The following MIGA2 variants were observed in gnomAD, a reference collection of about 807,000 sequenced individuals.
MIGA2 encodes the protein family with sequence similarity 73, member B.
Under a neutral mutation model 69.9 loss-of-function variants are expected in MIGA2, and 36 were observed. That is an observed-to-expected ratio of 0.52 (90% CI 0.39 to 0.68). The LOEUF (loss-of-function observed/expected upper bound fraction) is 0.68. MIGA2 is among the 30% of genes least tolerant of loss of function. The pLI, the probability that MIGA2 is intolerant of heterozygous loss-of-function variation, is 0.00. For synonymous variants in MIGA2, 333 were observed against 349.2 expected (o/e 0.95, Z 0.52); for missense variants, 660 against 787.7 (o/e 0.84, Z 1.94).
At position 129,069,566 on chromosome 9, in the gene MIGA2, C is replaced by T; in HGVS notation, c.1459-283C>T. On this transcript the variant is annotated intron_variant, in intron 14 of 15. Coordinates refer to ENST00000684074, the MANE Select transcript of MIGA2 (RefSeq NM_001329990.2). The surrounding 1 kb of genome is among the most constrained non-coding windows in gnomAD (Gnocchi z 4.9). ...GTCGTTCCCCTCTGCGGGCCAGGCTCTGTTGCCTAGCTGATACCAGCTGCC... is the reference window on the plus strand; with the variant it reads ...GTCGTTCCCCTCTGCGGGCCAGGCTTTGTTGCCTAGCTGATACCAGCTGCC... 1 of 540,694 alleles carries T rather than the reference C, an allele frequency of 1.8e-6. No homozygotes were observed. 33.5% of individuals were successfully genotyped at this position (540,694 alleles called of 1,614,324 possible). A position where few individuals can be genotyped will look rare whatever the true frequency, so the allele number is the denominator to read the frequency against.
Position 129,063,510 on chromosome 9 carries a change from C to T in MIGA2, c.1084-35C>T, listed in dbSNP as rs199604581. 565 of 1,611,082 alleles carry T rather than the reference C, an allele frequency of 3.5e-4. 5 individuals are homozygous for T. The Admixed American group carries it at 6.4e-3, about 18-fold the overall frequency. On this transcript the variant is annotated intron_variant, in intron 10 of 15. Coordinates refer to ENST00000684074, the MANE Select transcript of MIGA2 (RefSeq NM_001329990.2). ...GTGGGCTTTGAGGGACTGCCGTGCCCGGCAGCTCACTCCCCTCCCTTCCTC... is the reference window on the plus strand; with the variant it reads ...GTGGGCTTTGAGGGACTGCCGTGCCTGGCAGCTCACTCCCCTCCCTTCCTC...
intron 3 of MIGA2, among the ~76,000 whole-genome samples, chr9:129,043,559 G>A (rs889014231): frequency 2.2e-4 from 33 of 151,374 alleles, no homozygotes; most frequent in African/African-American, 8.0e-4. Flanking sequence ...GCTAATTTTT[G>A]TATTTTTAGT....
intron 15 of MIGA2, 126 bp downstream of exon 15, chr9:129,070,091 C>A (rs1231922929): frequency 8.2e-7 from 1 of 1,218,110 alleles, no homozygotes. Flanking sequence ...AGAGCCAGAC[C>A]CACATGGGTC....
chr9:129,067,469 C>T (rs1846421644), intron 11 of MIGA2: 1 of 361,920 alleles, frequency 2.8e-6, no homozygotes, highest in East Asian at 5.2e-5. Flanking sequence ...TTTGAACCTT[C>T]AGCTGCCTGA....
At chr9:129,057,369 C>T (rs933158828) in intron 6 of MIGA2, among the ~76,000 whole-genome samples, 4 of 150,088 alleles carry the variant, frequency 2.7e-5, no homozygotes, top group African/African-American at 9.8e-5. Flanking sequence ...TCTCGGCTCA[C>T]TGCAAGCTCC....
rs779280362 is a variant in MIGA2, at chr9:129,061,353, A to C, written c.1010+7A>C. The C allele has an allele frequency of 1.4e-6, 1 of 708,580 alleles. No individual in the cohort carries two copies. The highest frequency in any genetic ancestry group is 2.0e-5 in the Admixed American group (1 of 50,782). 43.9% of individuals were successfully genotyped at this position (708,580 alleles called of 1,614,324 possible). On this transcript the variant is annotated splice_region_variant and intron_variant, in intron 9 of 15. Coordinates refer to ENST00000684074, the MANE Select transcript of MIGA2 (RefSeq NM_001329990.2). The surrounding 1 kb of genome is among the most constrained non-coding windows in gnomAD (Gnocchi z 5.0). The stretch of plus-strand genomic sequence containing the variant: ...TGCCTTGCCGGACCCTCAGGTGAGC[A>C]GGTGTGGAGGGAGGGAGGGAGGGAG...
rs3814497 is a variant in MIGA2, at chr9:129,059,765, C to T, written c.793+494C>T. On this transcript the variant is annotated intron_variant, in intron 7 of 15. Coordinates refer to ENST00000684074, the MANE Select transcript of MIGA2 (RefSeq NM_001329990.2). This position sits in a 1 kb window ranked among gnomAD's most constrained non-coding sequence, Gnocchi z 5.6. ...TCTGCCAAACAGCCACTGTCCTCTT[C>T]GGACCCCTGCAGTGAATGACACCCT... Among the ~76,000 whole-genome samples the T allele has an allele frequency of 2.2e-4, 34 of 152,300 alleles. No individual in the cohort carries two copies. In the East Asian group the frequency reaches 5.4e-3, roughly 24 times the overall value.
At position 129,069,196 on chromosome 9, in the gene MIGA2, G is replaced by C; in HGVS notation, c.1458+67G>C. On this transcript the variant is annotated intron_variant, in intron 14 of 15. Coordinates refer to ENST00000684074, the MANE Select transcript of MIGA2 (RefSeq NM_001329990.2). The surrounding 1 kb of genome is among the most constrained non-coding windows in gnomAD (Gnocchi z 4.9). ...GAGGCAGCGTGGTGGGGAGCGGAGC[G>C]GGTGCAGGGTGGCTCGCTGGGCCAC... 2.5e-6 allele frequency: 4 copies of C among 1,600,482 alleles called. No homozygotes were observed. The Admixed American group carries it at 6.7e-5, about 27-fold the overall frequency.
intron 3 of MIGA2, among the ~76,000 whole-genome samples, chr9:129,045,610 A>T (rs1845178341): frequency 6.6e-6 from 1 of 151,652 alleles, no homozygotes; most frequent in Non-Finnish European, 1.5e-5. Context: ...ATTTTTTTTT[A>T]AAAAGAGAAA....
rs1170668791 is a variant in MIGA2 at position 129,059,210 on chromosome 9, C to T, written c.732C>T (p.Ala244=). The T allele has an allele frequency of 1.2e-6, 2 of 1,611,164 alleles. No individual in the cohort carries two copies. The highest frequency in any genetic ancestry group is 1.7e-5 in the Admixed American group (1 of 59,610). The change falls in exon 7 of 16, where the codon GCC becomes GCT. Residue 244 remains alanine (A), a synonymous_variant. Coordinates refer to ENST00000684074, the MANE Select transcript of MIGA2 (RefSeq NM_001329990.2). The surrounding 1 kb of genome is among the most constrained non-coding windows in gnomAD (Gnocchi z 5.6). ...AGCTGGAGTCCCTGCTGCACCGTGC[C>T]TACCACCTGCAGGAGGAGTTCGGCT... The part of the protein sequence containing the change: ...AEKLESLLHR[A]YHLQEEFGST...
At chr9:129,047,674 A>G (rs1845300868) in intron 3 of MIGA2, among the ~76,000 whole-genome samples, 1 of 151,972 alleles carries the variant, frequency 6.6e-6, no homozygotes, top group South Asian at 2.1e-4. Context: ...CGGCCTCCCA[A>G]AGTGCTAGGA....
At position 129,060,598 on chromosome 9, in the gene MIGA2, C is replaced by T. The variant is rs368061392; in HGVS notation, c.842C>T (p.Ala281Val). The T allele has an allele frequency of 1.7e-5, 27 of 1,606,140 alleles. No individual in the cohort carries two copies. Among genetic ancestry groups the T allele is most frequent in the Admixed American group, 3.4e-5 (2 of 59,192 alleles). The change falls in exon 8 of 16, where the codon GCG (alanine) becomes GTG (valine). Residue 281 changes from alanine to valine, a missense_variant. Coordinates refer to ENST00000684074, the MANE Select transcript of MIGA2 (RefSeq NM_001329990.2). The surrounding 1 kb of genome is among the most constrained non-coding windows in gnomAD (Gnocchi z 4.8). ...ACCGAGGGCTCGCTGCGGCTGCGGG[C>T]GGACGATGAGGACAGCCTGACTTCA... ...PLTEGSLRLR[A>V]DDEDSLTSED... is the part of the protein sequence containing the mutation.
At position 129,069,151 on chromosome 9, in the gene MIGA2, G is replaced by C. The variant is rs1315861265; in HGVS notation, c.1458+22G>C. ...GATGGTGAGTGACTGGCAGGCCCGG[G>C]GGAGCACGAGCTGGGCTCTGAGGCA... On this transcript the variant is annotated intron_variant, in intron 14 of 15. Coordinates refer to ENST00000684074, the MANE Select transcript of MIGA2 (RefSeq NM_001329990.2). The surrounding 1 kb of genome is among the most constrained non-coding windows in gnomAD (Gnocchi z 4.9). 6 of 1,613,618 alleles carry C rather than the reference G, an allele frequency of 3.7e-6. No homozygotes were observed. Among genetic ancestry groups the C allele is most frequent in the Non-Finnish European group, 4.2e-6 (5 of 1,179,872 alleles).
In MIGA2 at chr9:129,067,880, C is replaced by T; in HGVS notation, c.1269+9C>T. 2.5e-6 allele frequency: 4 copies of T among 1,608,858 alleles called. No individual in the cohort carries two copies. The South Asian group carries it at 4.4e-5, about 18-fold the overall frequency. ...AGCTGGAGGGCCGAGGGGTGAGTTG[C>T]TTTGTGCTGAACCCCGACATCCCGG... On this transcript the variant is annotated intron_variant, in intron 12 of 15. Coordinates refer to ENST00000684074, the MANE Select transcript of MIGA2 (RefSeq NM_001329990.2).
intron 5 of MIGA2, 92 bp from the exon 6 acceptor site, chr9:129,049,735 C>G (rs1296897957): frequency 6.3e-7 from 1 of 1,594,814 alleles, no homozygotes; most frequent in Non-Finnish European, 8.5e-7. Flanking sequence ...TCTTGCCCTT[C>G]AAGGCCCTCC....
chr9:129,043,777 T>G (rs1845053118), intron 3 of MIGA2, among the ~76,000 whole-genome samples: 1 of 151,934 alleles, frequency 6.6e-6, no homozygotes, highest in Non-Finnish European at 1.5e-5. Context: ...CTTGGCTCAC[T>G]GCAACCTCTG....
intron 6 of MIGA2, among the ~76,000 whole-genome samples, chr9:129,052,059 C>G (rs1845574979): frequency 6.6e-6 from 1 of 152,160 alleles, no homozygotes; most frequent in Admixed American, 6.6e-5. Flanking sequence ...ATCTCCTGAC[C>G]TCGTGATCCG....
chr9:129,039,141 A>C (rs528597640), intron 1 of MIGA2, among the ~76,000 whole-genome samples: 104 of 151,014 alleles, frequency 6.9e-4, no homozygotes, highest in Non-Finnish European at 1.3e-3. Context: ...TAAAGAATGC[A>C]GCACAAAATA....
chr9:129,055,117 G>A (rs1475630556), intron 6 of MIGA2, among the ~76,000 whole-genome samples: 3 of 144,520 alleles, frequency 2.1e-5, no homozygotes, highest in Non-Finnish European at 3.0e-5. Context: ...TCGCTCTGTC[G>A]CCCAGGCTGG....
Sources: gnomAD v4.1 joint callset for allele counts (sites outside exome capture counted in the v4.1 genomes callset) on GRCh38, gnomAD v4.1.1 for gene constraint, Gnocchi (gnomAD v3.1) non-coding constraint, MANE v1.5 for transcripts, NCBI Gene and HGNC (gene_info 2026-07-23, HGNC 2026-07-21) for gene names.